TMEM232: variants seen among roughly 807,000 people sequenced by gnomAD.
TMEM232 encodes transmembrane protein 232.
TMEM232 carries 80 observed loss-of-function variants against 78.8 expected under a neutral mutation model. The observed-to-expected ratio is 1.01, with a 90% CI of 0.85 to 1.22. The LOEUF is 1.22. Among genes scored for constraint, TMEM232 ranks in the 50% most tolerant of loss-of-function variants. TMEM232 has a pLI of 0.00. For missense variants in TMEM232, 881 were observed against 742.2 expected (o/e 1.19, Z -2.17); for synonymous variants, 297 against 254.3 (o/e 1.17, Z -1.60).
At chr5:110,468,840 T>C (rs924232289) in intron 12 of TMEM232, among the ~76,000 whole-genome samples, 11 of 152,280 alleles carry the variant, frequency 7.2e-5, no homozygotes, top group Admixed American at 5.2e-4. Flanking sequence ...AATTAACAAC[T>C]ATATTTGGAT....
chr5:110,620,577 A>ATCTCTCTCTCTCTC (rs66736608), intron 7 of TMEM232, among the ~76,000 whole-genome samples: 2 of 43,136 alleles, frequency 4.6e-5, no homozygotes, highest in African/African-American at 7.4e-5. Flanking sequence ...TGTCTCTCAT[A>ATCTCTCTCTCTCTC]TCTCTCTCTC....
At chr5:110,524,424 A>G (rs1281243950) in intron 12 of TMEM232, among the ~76,000 whole-genome samples, 4 of 140,758 alleles carry the variant, frequency 2.8e-5, no homozygotes, top group African/African-American at 5.9e-5. Context: ...AGAAAAGAAA[A>G]GAAAAGAAAA....
chr5:110,669,114 G>C (rs540701668), intron 1 of TMEM232, among the ~76,000 whole-genome samples: 14 of 152,036 alleles, frequency 9.2e-5, no homozygotes, highest in Non-Finnish European at 1.8e-4. Flanking sequence ...CAGAAGGCAA[G>C]AAATAACTAA....
intron 12 of TMEM232, among the ~76,000 whole-genome samples, chr5:110,501,381 C>A (rs996592146): frequency 6.6e-6 from 1 of 151,750 alleles, no homozygotes; most frequent in Non-Finnish European, 1.5e-5. Context: ...ACTAATTAGT[C>A]TTATTATAAT....
At chr5:110,527,103 G>C (rs191024822) in intron 12 of TMEM232, among the ~76,000 whole-genome samples, 1 of 151,886 alleles carries the variant, frequency 6.6e-6, no homozygotes, top group Admixed American at 6.6e-5. Flanking sequence ...GAGGGATGGG[G>C]GGTAAATCAG....
chr5:110,491,141 C>T (rs959286647), intron 12 of TMEM232, among the ~76,000 whole-genome samples: 3 of 150,546 alleles, frequency 2.0e-5, no homozygotes, highest in African/African-American at 7.4e-5. Flanking sequence ...AGACAACTAA[C>T]CCAATTAAAA....
At chr5:110,707,429 C>T (rs1157539438) in intron 1 of TMEM232, among the ~76,000 whole-genome samples, 1 of 152,206 alleles carries the variant, frequency 6.6e-6, no homozygotes, top group East Asian at 1.9e-4. Flanking sequence ...CTGCTGGGCA[C>T]AGCCAGAACC....
intron 1 of TMEM232, among the ~76,000 whole-genome samples, chr5:110,709,784 G>C (rs1039265613): frequency 6.6e-6 from 1 of 151,854 alleles, no homozygotes; most frequent in African/African-American, 2.4e-5. Context: ...CAAAAAAGAA[G>C]AAACACTTCA....
At chr5:110,586,729 A>G (rs1778860498) in intron 10 of TMEM232, among the ~76,000 whole-genome samples, 1 of 152,258 alleles carries the variant, frequency 6.6e-6, no homozygotes, top group South Asian at 2.1e-4. Context: ...AACACAAAAC[A>G]GCACAGCAAG....
intron 12 of TMEM232, among the ~76,000 whole-genome samples, chr5:110,502,117 A>G (rs1164782562): frequency 6.6e-6 from 1 of 152,196 alleles, no homozygotes; most frequent in African/African-American, 2.4e-5. Context: ...TGATTATTAA[A>G]GGGAAACTTC....
intron 8 of TMEM232, among the ~76,000 whole-genome samples, chr5:110,607,003 A>T (rs2149835412): frequency 6.6e-6 from 1 of 150,570 alleles, no homozygotes; most frequent in East Asian, 1.9e-4. Flanking sequence ...GTAGACCATT[A>T]ATAAATTTAA....
intron 12 of TMEM232, among the ~76,000 whole-genome samples, chr5:110,441,071 G>A (rs766051916): frequency 5.9e-5 from 9 of 152,098 alleles, no homozygotes; most frequent in Non-Finnish European, 1.0e-4. Context: ...TTTGACGCAG[G>A]TATGTCACTT....
intron 8 of TMEM232, among the ~76,000 whole-genome samples, chr5:110,610,192 G>A (rs1465722465): frequency 1.8e-5 from 2 of 108,434 alleles, no homozygotes; most frequent in Admixed American, 2.0e-4. Context: ...ATTACAGAAG[G>A]AAGGAACAAG....
At chr5:110,621,911 C>T (rs1348160936) in intron 7 of TMEM232, among the ~76,000 whole-genome samples, 1 of 152,086 alleles carries the variant, frequency 6.6e-6, no homozygotes. Context: ...GATAACAACA[C>T]CAGTTTAGAT....
chr5:110,727,859 T>C (rs1027999721), upstream of TMEM232, among the ~76,000 whole-genome samples: 2 of 152,178 alleles, frequency 1.3e-5, no homozygotes, highest in African/African-American at 4.8e-5. Flanking sequence ...TGACAAAGAC[T>C]ATAAACTACA....
intron 12 of TMEM232, among the ~76,000 whole-genome samples, chr5:110,466,015 G>A (rs1038869881): frequency 9.2e-5 from 14 of 152,000 alleles, no homozygotes; most frequent in Non-Finnish European, 2.1e-4. Context: ...ACTGAAAATA[G>A]CAGATTAAAA....
rs768147961 is a variant in TMEM232, at chr5:110,424,811, A to C, written c.1797+12T>G. The C allele has an allele frequency of 1.3e-5, 20 of 1,541,068 alleles. No individual in the cohort carries two copies. In the South Asian group the frequency reaches 2.4e-4, roughly 19 times the overall value. The stretch of plus-strand genomic sequence containing the variant: ...AAGCTTTTGCTGCTAGTTAAAAAAA[A>C]ATCAATCTTACGTGATGGTCAATGA... On this transcript the variant is annotated intron_variant, in intron 13 of 13. Transcript: ENST00000455884.
Position 110,441,834 on chromosome 5 carries a change from G to T in TMEM232, c.1704-16918C>A, listed in dbSNP as rs116672074. ...ATAACCACCCCAGTTTTACTGGGAT[G>T]GTCCTCATTTTTCCTCCATGTTTGA... On this transcript the variant is annotated intron_variant, in intron 12 of 13. Transcript: ENST00000455884. 2.2e-3 allele frequency among the ~76,000 whole-genome samples: 328 copies of T among 152,148 alleles called. 2 individuals carry two copies. Among genetic ancestry groups the T allele is most frequent in the African/African-American group, 7.4e-3 (307 of 41,528 alleles).
chr5:110,460,623 A>C (rs181460219), intron 12 of TMEM232, among the ~76,000 whole-genome samples: 9 of 150,752 alleles, frequency 6.0e-5, no homozygotes, highest in Admixed American at 4.6e-4. Context: ...GGCATATTTC[A>C]TTTTCTCGTG....
Sources: gnomAD v4.1 joint callset for allele counts (sites outside exome capture counted in the v4.1 genomes callset) on GRCh38, gnomAD v4.1.1 for gene constraint, MANE v1.5 for transcripts, NCBI Gene and HGNC (gene_info 2026-07-23, HGNC 2026-07-21) for gene names.